The following PTGR2 variants were observed in gnomAD, a reference collection of about 807,000 sequenced individuals.
PTGR2 encodes the protein 15-oxoprostaglandin 13-reductase.
A neutral mutation model predicts 43.4 loss-of-function variants in PTGR2; 32 were observed. The observed-to-expected ratio is 0.74, with a 90% CI of 0.56 to 0.99. PTGR2 has a LOEUF of 0.99. Ranked by LOEUF, PTGR2 falls within the 50% of genes least tolerant of loss-of-function variation. The pLI is 0.00. For synonymous variants in PTGR2, 106 were observed against 139.2 expected (o/e 0.76, Z 1.68); for missense variants, 373 against 420.0 (o/e 0.89, Z 0.98).
intron 6 of PTGR2, chr14:73,879,602 C>G: frequency 2.9e-6 from 1 of 347,990 alleles, no homozygotes; most frequent in East Asian, 6.8e-5. Flanking sequence ...AAGCACTGAT[C>G]CCTAACTCAC....
chr14:73,883,607 C>A (rs1430051959), intron 9 of PTGR2, among the ~76,000 whole-genome samples: 2 of 151,680 alleles, frequency 1.3e-5, no homozygotes, highest in Admixed American at 6.6e-5. Flanking sequence ...CACCTTAGCC[C>A]CCCGAGTAGC....
chr14:73,880,447 C>T (rs1484372679), intron 7 of PTGR2, among the ~76,000 whole-genome samples: 2 of 151,604 alleles, frequency 1.3e-5, no homozygotes, highest in East Asian at 1.9e-4. Context: ...TAGTGATGGG[C>T]GCCTGTAATC....
intron 1 of PTGR2, among the ~76,000 whole-genome samples, chr14:73,855,300 G>A (rs1433848677): frequency 6.6e-6 from 1 of 152,132 alleles, no homozygotes; most frequent in Non-Finnish European, 1.5e-5. Flanking sequence ...TTAAATCTGT[G>A]ATGGCTGGGT....
In PTGR2 at chr14:73,884,329, CATT is replaced by C. The variant is rs2055074999; in HGVS notation, c.*154_*156del. 1.8e-6 allele frequency: 1 copy of C among 548,090 alleles called. No homozygotes were observed. The highest frequency in any genetic ancestry group is 3.2e-6 in the Non-Finnish European group (1 of 317,342). The allele number at this position is 548,090 out of a possible 1,614,324, so 34.0% of individuals were successfully genotyped here. On this transcript the variant is annotated 3_prime_UTR_variant, in exon 10 of 10. Transcript: ENST00000555661. ...AGTTGCATAGGGTATTTGATACAAT[CATT>C]AATGGATCATACACAATAGGTTTTT...
chr14:73,882,839 G>T (rs1463029416), intron 9 of PTGR2, among the ~76,000 whole-genome samples: 22 of 26,616 alleles, frequency 8.3e-4, no homozygotes, highest in Admixed American at 3.6e-3. Flanking sequence ...TTTTTTTTTT[G>T]AGACGGAGTC....
At position 73,877,025 on chromosome 14, in the gene PTGR2, C is replaced by T. The variant is rs1026441527; in HGVS notation, c.376C>T (p.Leu126Phe). Reference sequence around the variant, plus strand: ...AGACCCACAACTTGTGGATGGACACCTTTCATATTTTCTTGGAGCTATAGG... The same window carrying T: ...AGACCCACAACTTGTGGATGGACACTTTTCATATTTTCTTGGAGCTATAGG... ...KVDPQLVDGH[L>F]SYFLGAIGMP... The change falls in exon 5 of 10, where the codon CTT becomes TTT. Residue 126 changes from leucine to phenylalanine, a missense_variant. Coordinates refer to ENST00000555661, the MANE Select transcript of PTGR2 (RefSeq NM_001146154.2). The T allele has an allele frequency of 6.2e-7, 1 of 1,613,072 alleles. No homozygotes were observed. Among genetic ancestry groups the T allele is most frequent in the Non-Finnish European group, 8.5e-7 (1 of 1,179,670 alleles).
intron 3 of PTGR2, among the ~76,000 whole-genome samples, chr14:73,871,943 G>A (rs1275826502): frequency 2.0e-5 from 3 of 152,142 alleles, no homozygotes; most frequent in African/African-American, 4.8e-5. Flanking sequence ...ACAAGCAGAA[G>A]CAAATGTATT....
chr14:73,869,595 T>C (rs1333329901), intron 3 of PTGR2, among the ~76,000 whole-genome samples: 1 of 151,254 alleles, frequency 6.6e-6, no homozygotes, highest in African/African-American at 2.4e-5. Context: ...AAAAAGTTTA[T>C]GAAAACAAAG....
intron 4 of PTGR2, among the ~76,000 whole-genome samples, chr14:73,876,620 C>T (rs1007589649): frequency 4.6e-5 from 7 of 151,544 alleles, no homozygotes; most frequent in African/African-American, 7.3e-5. Flanking sequence ...GGATTACAGG[C>T]GCATGCCACC....
At chr14:73,875,820 C>CTTTTTTTTTT (rs953891690) in intron 4 of PTGR2, among the ~76,000 whole-genome samples, 6 of 94,370 alleles carry the variant, frequency 6.4e-5, no homozygotes, top group Non-Finnish European at 1.0e-4. Context: ...TTAAAAGTTT[C>CTTTTTTTTTT]TTTTTTTTTT....
At chr14:73,856,090 T>G (rs1317386513) in intron 1 of PTGR2, among the ~76,000 whole-genome samples, 1 of 151,472 alleles carries the variant, frequency 6.6e-6, no homozygotes, top group African/African-American at 2.4e-5. Context: ...GTAGTCTAAG[T>G]GCATAGTGTT....
chr14:73,880,587 C>CA (rs370222443), intron 7 of PTGR2, among the ~76,000 whole-genome samples: 10,940 of 102,858 alleles, frequency 0.11, 610 homozygotes, highest in African/African-American at 0.2. Context: ...CTCAAAAAAA[C>CA]AAAAAAAAAA....
intron 3 of PTGR2, among the ~76,000 whole-genome samples, chr14:73,870,844 A>G (rs1232570696): frequency 6.6e-6 from 1 of 152,166 alleles, no homozygotes; most frequent in Admixed American, 6.5e-5. Context: ...GGTTAATAAC[A>G]TTCTGTTCTG....
chr14:73,882,332 T>C, intron 8 of PTGR2, 67 bp from the exon 9 acceptor site: 1 of 977,834 alleles, frequency 1.0e-6, no homozygotes, highest in Non-Finnish European at 1.6e-6. Flanking sequence ...CTTTTGTAAG[T>C]ATGGAAACTA....
At chr14:73,852,824 G>GGTTT (rs917965597) in intron 1 of PTGR2, among the ~76,000 whole-genome samples, 1 of 151,774 alleles carries the variant, frequency 6.6e-6, no homozygotes, top group Admixed American at 6.6e-5. Context: ...AAAGACACGT[G>GGTTT]GTTTGTTTGT....
chr14:73,881,156 C>G (rs749653781), intron 7 of PTGR2, 49 bp from the exon 8 acceptor site: 90 of 1,107,686 alleles, frequency 8.1e-5, no homozygotes, highest in Non-Finnish European at 1.1e-4. Flanking sequence ...TCTTGGAATA[C>G]CACTCCCGTT....
chr14:73,875,461 T>A (rs944868569), intron 4 of PTGR2, among the ~76,000 whole-genome samples: 1 of 152,018 alleles, frequency 6.6e-6, no homozygotes, highest in Non-Finnish European at 1.5e-5. Context: ...TTCTCCTGCC[T>A]CAGCCACCTG....
chr14:73,863,093 G>A (rs965549457), intron 3 of PTGR2, among the ~76,000 whole-genome samples: 1 of 152,038 alleles, frequency 6.6e-6, no homozygotes, highest in African/African-American at 2.4e-5. Context: ...ATTATTTTTA[G>A]TATATTCACG....
intron 3 of PTGR2, among the ~76,000 whole-genome samples, chr14:73,869,851 C>G (rs112802044): frequency 0.011 from 1,700 of 152,208 alleles, 27 homozygotes; most frequent in African/African-American, 0.039. Context: ...CATGGTGAAA[C>G]ACCGTCTCTA....
Sources: gnomAD v4.1 joint callset for allele counts (sites outside exome capture counted in the v4.1 genomes callset) on GRCh38, gnomAD v4.1.1 for gene constraint, MANE v1.5 for transcripts, NCBI Gene and HGNC (gene_info 2026-07-23, HGNC 2026-07-21) for gene names.